Variants in TAFA4 observed in about 807,000 individuals in gnomAD.
TAFA4 encodes chemokine-like protein TAFA-4.
Under a neutral mutation model 21.1 loss-of-function variants are expected in TAFA4, and 20 were observed. That is an observed-to-expected ratio of 0.95 (90% CI 0.67 to 1.38). The LOEUF (loss-of-function observed/expected upper bound fraction) is 1.38, where lower values mean the gene tolerates loss of function less well. TAFA4 is among the 40% of genes most tolerant of loss of function. TAFA4 has a pLI of 0.00. For synonymous variants in TAFA4, 71 were observed against 67.4 expected (o/e 1.05, Z -0.26); for missense variants, 211 against 180.9 (o/e 1.17, Z -0.95).
intron 1 of TAFA4, among the ~76,000 whole-genome samples, chr3:68,921,476 A>G (rs1417544663): frequency 1.3e-5 from 2 of 152,194 alleles, no homozygotes; most frequent in African/African-American, 4.8e-5. Context: ...AAATCCACTG[A>G]AGGCTTTTCA....
intron 1 of TAFA4, among the ~76,000 whole-genome samples, chr3:68,891,758 A>T (rs2089732880): frequency 6.6e-6 from 1 of 152,160 alleles, no homozygotes; most frequent in Non-Finnish European, 1.5e-5. Flanking sequence ...CCACTAAGTG[A>T]TGTCTTTCCA....
chr3:68,889,407 T>C (rs887411120), intron 1 of TAFA4, among the ~76,000 whole-genome samples: 6 of 152,028 alleles, frequency 3.9e-5, no homozygotes, highest in African/African-American at 1.4e-4. Context: ...TGATTTCTTA[T>C]CAAGGAAAAT....
chr3:68,865,275 T>C (rs2089401046), intron 3 of TAFA4, among the ~76,000 whole-genome samples: 2 of 152,050 alleles, frequency 1.3e-5, no homozygotes, highest in African/African-American at 4.8e-5. Context: ...TTTTTTAATT[T>C]TTCTTTAAAC....
At chr3:68,832,242 T>A (rs577789278) in intron 3 of TAFA4, among the ~76,000 whole-genome samples, 1 of 152,324 alleles carries the variant, frequency 6.6e-6, no homozygotes, top group South Asian at 2.1e-4. Flanking sequence ...GCTGTGTTCC[T>A]TTGGAGGAAA....
chr3:68,805,305 C>T (rs571618734), intron 3 of TAFA4, among the ~76,000 whole-genome samples: 164 of 152,290 alleles, frequency 1.1e-3, no homozygotes, highest in African/African-American at 3.8e-3. Context: ...CAGGAAACAA[C>T]AGATGCTGGA....
intron 3 of TAFA4, among the ~76,000 whole-genome samples, chr3:68,878,399 C>T (rs987518110): frequency 9.2e-5 from 14 of 152,160 alleles, no homozygotes; most frequent in Admixed American, 8.5e-4. Flanking sequence ...CCCAACTACT[C>T]GTGTCTATAC....
At chr3:68,904,587 C>A (rs1276876113) in intron 1 of TAFA4, among the ~76,000 whole-genome samples, 1 of 152,132 alleles carries the variant, frequency 6.6e-6, no homozygotes, top group Admixed American at 6.5e-5. Flanking sequence ...TGAATGGGGT[C>A]TTAGGGTAGG....
At chr3:68,744,537 A>G (rs917595879) in intron 4 of TAFA4, among the ~76,000 whole-genome samples, 2 of 152,236 alleles carry the variant, frequency 1.3e-5, no homozygotes, top group African/African-American at 4.8e-5. Context: ...TTCCCTGCAG[A>G]GAAAAACAAT....
rs57132694 is a variant in TAFA4 at position 68,914,454 on chromosome 3, T to C, written c.-123+17786A>G. Among the ~76,000 whole-genome samples, 1,388 of 152,314 alleles carry C rather than the reference T, an allele frequency of 9.1e-3. 24 individuals are homozygous for C. The highest frequency in any genetic ancestry group is 0.058 in the East Asian group (300 of 5,182). On this transcript the variant is annotated intron_variant, in intron 1 of 5. Transcript: ENST00000295569. ...TAGTAATTAAGATTTGGACACTTTA[T>C]TGTAAATTGCACCTCAAGTTTTTTA...
intron 3 of TAFA4, among the ~76,000 whole-genome samples, chr3:68,775,017 G>T (rs1703023958): frequency 6.6e-6 from 1 of 152,172 alleles, no homozygotes; most frequent in South Asian, 2.1e-4. Context: ...TAGACCCTCA[G>T]AAAGTAACAA....
intron 3 of TAFA4, among the ~76,000 whole-genome samples, chr3:68,879,213 G>A (rs1298707645): frequency 6.6e-6 from 1 of 151,908 alleles, no homozygotes; most frequent in Non-Finnish European, 1.5e-5. Context: ...ACTTGCTCCC[G>A]CTGTCAGACT....
At chr3:68,828,309 A>T (rs576139018) in intron 3 of TAFA4, among the ~76,000 whole-genome samples, 1 of 152,272 alleles carries the variant, frequency 6.6e-6, no homozygotes, top group African/African-American at 2.4e-5. Flanking sequence ...GTCAGGTAGC[A>T]TAATGCCTCC....
chr3:68,755,113 C>T (rs747072630), intron 3 of TAFA4, among the ~76,000 whole-genome samples: 30 of 152,246 alleles, frequency 2.0e-4, no homozygotes, highest in Middle Eastern at 3.4e-3. Flanking sequence ...TCGACATCTC[C>T]GATTCCAATC....
chr3:68,733,917 C>G (rs560273811), intron 5 of TAFA4, among the ~76,000 whole-genome samples: 2 of 152,266 alleles, frequency 1.3e-5, no homozygotes, highest in East Asian at 3.9e-4. Context: ...TATTACTCCC[C>G]TTTTGTTTGT....
rs534994784 is a variant in TAFA4 at position 68,732,090 on chromosome 3, G to C, written c.*1052C>G. 2 of 152,412 alleles carry C rather than the reference G, an allele frequency of 1.3e-5. No individual in the cohort carries two copies. The highest frequency in any genetic ancestry group is 2.9e-5 in the Non-Finnish European group (2 of 68,006). The allele number at this position is 152,412 out of a possible 1,614,324, so 9.4% of individuals were successfully genotyped here. ...TTCTTCATCTGTTTCATACGTTTCC[G>C]CATGACAGCATTTGAGAATATGTGG... On this transcript the variant is annotated 3_prime_UTR_variant, in exon 6 of 6. Coordinates refer to ENST00000295569, the MANE Select transcript of TAFA4 (RefSeq NM_182522.5).
chr3:68,779,917 C>T (rs1019139236), intron 3 of TAFA4, among the ~76,000 whole-genome samples: 2 of 152,196 alleles, frequency 1.3e-5, no homozygotes, highest in Non-Finnish European at 2.9e-5. Flanking sequence ...GCTGCAGACA[C>T]TCAATGCCAG....
At chr3:68,780,895 GA>G (rs1703141518) in intron 3 of TAFA4, among the ~76,000 whole-genome samples, 1 of 91,846 alleles carries the variant, frequency 1.1e-5, no homozygotes, top group Non-Finnish European at 2.4e-5. Context: ...CATATTCTAG[GA>G]CATAAAAAAA....
chr3:68,884,509 G>C (rs1468692299), intron 2 of TAFA4, among the ~76,000 whole-genome samples: 1 of 152,202 alleles, frequency 6.6e-6, no homozygotes, highest in Non-Finnish European at 1.5e-5. Context: ...GATGGCAGTG[G>C]CTTCCTGTGT....
At chr3:68,824,680 G>A (rs1704187683) in intron 3 of TAFA4, among the ~76,000 whole-genome samples, 1 of 152,092 alleles carries the variant, frequency 6.6e-6, no homozygotes, top group Admixed American at 6.6e-5. Context: ...CTAAATACCA[G>A]AAATTCAGCT....
Sources: allele counts gnomAD v4.1 joint callset (sites outside exome capture counted in the v4.1 genomes callset), GRCh38; gene constraint gnomAD v4.1.1; transcripts MANE v1.5; gene names NCBI Gene and HGNC (gene_info 2026-07-23, HGNC 2026-07-21).